The following GPC5 variants were observed in gnomAD, a reference collection of about 807,000 sequenced individuals.
GPC5 encodes the protein glypican-5.
GPC5 carries 47 observed loss-of-function variants against 53.9 expected under a neutral mutation model. The ratio of observed to expected loss-of-function variants is 0.87; its 90% CI spans 0.69 to 1.11. GPC5 has a LOEUF of 1.11. GPC5 is among the 50% of genes most tolerant of loss of function. The probability of loss-of-function intolerance (pLI) is 0.00; values close to 1 mark genes in which losing one functional copy is unlikely to be tolerated. For missense variants in GPC5, 748 were observed against 713.1 expected (o/e 1.05, Z -0.56); for synonymous variants, 286 against 263.3 (o/e 1.09, Z -0.84).
chr13:92,369,864 T>C (rs1436703968), intron 7 of GPC5, among the ~76,000 whole-genome samples: 1 of 152,214 alleles, frequency 6.6e-6, no homozygotes, highest in African/African-American at 2.4e-5. Context: ...GAATTTACTA[T>C]CTACTTTTAA....
intron 7 of GPC5, among the ~76,000 whole-genome samples, chr13:92,381,347 C>A (rs2043737268): frequency 6.6e-6 from 1 of 152,048 alleles, no homozygotes; most frequent in Non-Finnish European, 1.5e-5. Flanking sequence ...TCCTACCTGG[C>A]AGTGATGTTA....
intron 7 of GPC5, among the ~76,000 whole-genome samples, chr13:92,779,321 G>A (rs867067673): frequency 9.2e-5 from 14 of 152,018 alleles, no homozygotes; most frequent in Admixed American, 2.6e-4. Context: ...GGGAATTGTT[G>A]GAGTTAGAAT....
chr13:92,389,631 CAG>C (rs1217088200), intron 7 of GPC5, among the ~76,000 whole-genome samples: 2 of 152,054 alleles, frequency 1.3e-5, no homozygotes, highest in Non-Finnish European at 2.9e-5. Context: ...TCTACACATT[CAG>C]AGTTCCACAC....
At chr13:91,507,435 G>A (rs1220047890) in intron 2 of GPC5, among the ~76,000 whole-genome samples, 1 of 152,160 alleles carries the variant, frequency 6.6e-6, no homozygotes, top group Non-Finnish European at 1.5e-5. Context: ...CGGAAGGCAA[G>A]GAGGAGCAAG....
intron 2 of GPC5, among the ~76,000 whole-genome samples, chr13:91,452,625 A>T: frequency 6.6e-6 from 1 of 152,220 alleles, no homozygotes; most frequent in East Asian, 1.9e-4. Flanking sequence ...TTGTTTCTTT[A>T]TACATGACAG....
intron 7 of GPC5, among the ~76,000 whole-genome samples, chr13:92,501,068 A>C (rs1486312262): frequency 1.3e-5 from 2 of 152,160 alleles, no homozygotes; most frequent in African/African-American, 2.4e-5. Flanking sequence ...TCTAGGATAA[A>C]ATGAAACCTT....
intron 6 of GPC5, among the ~76,000 whole-genome samples, chr13:91,970,175 G>C (rs1018382627): frequency 6.6e-6 from 1 of 152,128 alleles, no homozygotes; most frequent in African/African-American, 2.4e-5. Context: ...CAGGCACAGA[G>C]AGACAAATAC....
intron 1 of GPC5, among the ~76,000 whole-genome samples, chr13:91,426,123 G>A (rs1879027381): frequency 6.6e-6 from 1 of 152,148 alleles, no homozygotes. Context: ...TGGTAGAAAA[G>A]AAAAACTAAT....
chr13:92,212,126 A>T (rs1034923798), intron 7 of GPC5, among the ~76,000 whole-genome samples: 3 of 151,896 alleles, frequency 2.0e-5, no homozygotes, highest in Non-Finnish European at 4.4e-5. Context: ...GCAATTTTAG[A>T]TGAGATGGCC....
At chr13:91,876,599 C>A (rs1467696790) in intron 5 of GPC5, among the ~76,000 whole-genome samples, 1 of 152,110 alleles carries the variant, frequency 6.6e-6, no homozygotes, top group Non-Finnish European at 1.5e-5. Context: ...TTCTAAGCAG[C>A]AAAGCATTCA....
chr13:91,503,334 C>A (rs768721415), intron 2 of GPC5, among the ~76,000 whole-genome samples: 2 of 152,100 alleles, frequency 1.3e-5, no homozygotes, highest in Non-Finnish European at 2.9e-5. Context: ...AATAACTCTG[C>A]AATTTATTAA....
At chr13:91,399,320 C>T in intron 1 of GPC5, 111 bp downstream of exon 1, 3 of 1,302,396 alleles carry the variant, frequency 2.3e-6, no homozygotes, top group South Asian at 1.5e-5. Flanking sequence ...GCCCTGCAGC[C>T]GCGCAGGGTG....
At chr13:92,267,544 T>G (rs2042811100) in intron 7 of GPC5, among the ~76,000 whole-genome samples, 1 of 152,088 alleles carries the variant, frequency 6.6e-6, no homozygotes, top group African/African-American at 2.4e-5. Flanking sequence ...ATTATACAGT[T>G]TCCAAATCTT....
intron 7 of GPC5, among the ~76,000 whole-genome samples, chr13:92,154,185 C>G (rs894734275): frequency 2.0e-5 from 3 of 152,074 alleles, no homozygotes; most frequent in Non-Finnish European, 4.4e-5. Flanking sequence ...AACCAGATCT[C>G]TCATGCATTC....
intron 7 of GPC5, among the ~76,000 whole-genome samples, chr13:92,221,799 C>T (rs2042451027): frequency 6.6e-6 from 1 of 152,100 alleles, no homozygotes; most frequent in Non-Finnish European, 1.5e-5. Flanking sequence ...GCTCCCTCTG[C>T]ATTTTTTCGT....
At chr13:92,536,620 T>A (rs1236104577) in intron 7 of GPC5, among the ~76,000 whole-genome samples, 2 of 152,130 alleles carry the variant, frequency 1.3e-5, no homozygotes, top group East Asian at 3.9e-4. Flanking sequence ...CATTTTGGTG[T>A]TGTTTATAAT....
At chr13:92,247,234 A>C (rs571386869) in intron 7 of GPC5, among the ~76,000 whole-genome samples, 6 of 152,306 alleles carry the variant, frequency 3.9e-5, no homozygotes, top group African/African-American at 1.4e-4. Context: ...AAACACTTGC[A>C]TGTATATATG....
chr13:92,651,989 C>A (rs1252210554), intron 7 of GPC5, among the ~76,000 whole-genome samples: 1 of 151,856 alleles, frequency 6.6e-6, no homozygotes, highest in Non-Finnish European at 1.5e-5. Context: ...TTTTGTGACC[C>A]ACTTTATGCA....
chr13:92,253,204 G>A (rs1251118889), intron 7 of GPC5, among the ~76,000 whole-genome samples: 1 of 152,090 alleles, frequency 6.6e-6, no homozygotes, highest in African/African-American at 2.4e-5. Flanking sequence ...AATTTATGTG[G>A]ACTGTAATGC....
Sources: allele counts gnomAD v4.1 joint callset (sites outside exome capture counted in the v4.1 genomes callset), GRCh38; gene constraint gnomAD v4.1.1; transcripts MANE v1.5; gene names NCBI Gene and HGNC (gene_info 2026-07-23, HGNC 2026-07-21).